DNAH14: variants seen among roughly 807,000 people sequenced by gnomAD.
The protein encoded by DNAH14 is dynein axonemal heavy chain 14, also known as axonemal beta dynein heavy chain 14.
A neutral mutation model predicts 520.9 loss-of-function variants in DNAH14; 478 were observed. The ratio of observed to expected loss-of-function variants is 0.92; its 90% CI spans 0.85 to 0.99. The LOEUF (loss-of-function observed/expected upper bound fraction) is 0.99. Among genes scored for constraint, DNAH14 ranks in the 50% least tolerant of loss-of-function variants. The pLI is 0.00. For synonymous variants in DNAH14, 1,581 were observed against 1,757.2 expected (o/e 0.90, Z 2.51); for missense variants, 4,831 against 5,234.5 (o/e 0.92, Z 2.38).
intron 38 of DNAH14, among the ~76,000 whole-genome samples, chr1:225,201,810 T>C (rs575825773): frequency 6.6e-6 from 1 of 151,998 alleles, no homozygotes; most frequent in East Asian, 1.9e-4. Context: ...TTACCTTTCA[T>C]TGTTTAATGC....
At chr1:225,161,002 A>C (rs1262972358) in intron 35 of DNAH14, among the ~76,000 whole-genome samples, 3 of 152,100 alleles carry the variant, frequency 2.0e-5, no homozygotes, top group Admixed American at 6.5e-5. Context: ...AAGATTTTCA[A>C]ATTCCCTCTA....
At chr1:225,057,657 C>G (rs914733110) in intron 17 of DNAH14, among the ~76,000 whole-genome samples, 2 of 152,154 alleles carry the variant, frequency 1.3e-5, no homozygotes, top group African/African-American at 4.8e-5. Flanking sequence ...ATGATATTGG[C>G]TGTGGGTTTG....
At chr1:225,112,273 A>T (rs2076544758) in intron 23 of DNAH14, among the ~76,000 whole-genome samples, 1 of 152,280 alleles carries the variant, frequency 6.6e-6, no homozygotes, top group African/African-American at 2.4e-5. Flanking sequence ...TTCCTTCTGC[A>T]CTTCAAGTAA....
intron 23 of DNAH14, among the ~76,000 whole-genome samples, chr1:225,109,232 T>C (rs1388830038): frequency 6.6e-6 from 1 of 152,046 alleles, no homozygotes. Flanking sequence ...TTTAGGATAG[T>C]TTTTCTATTT....
chr1:225,335,159 A>ATGTGTGCG (rs2094905882), intron 66 of DNAH14, among the ~76,000 whole-genome samples: 1 of 148,194 alleles, frequency 6.7e-6, no homozygotes, highest in Non-Finnish European at 1.5e-5. Context: ...ACATGTGTGC[A>ATGTGTGCG]TGTGTGCATG....
Position 225,266,663 on chromosome 1 carries a change from T to C in DNAH14, c.7433T>C (p.Met2478Thr). Residue 2478 changes from methionine to threonine, a missense_variant, in exon 49 of 86, where the codon ATG (methionine) becomes ACG (threonine). Transcript: ENST00000682510. ...NNRILIFIDD[M>T]NMPVSDMYGA... Reference sequence around the variant, plus strand: ...AAGATTCTAATATTTATTGATGATATGAATATGCCAGTATCAGATATGTAT... The same window carrying C: ...AAGATTCTAATATTTATTGATGATACGAATATGCCAGTATCAGATATGTAT... 6.7e-7 allele frequency: 1 copy of C among 1,499,618 alleles called. No individual in the cohort carries two copies. The highest frequency in any genetic ancestry group is 8.8e-7 in the Non-Finnish European group (1 of 1,130,236). The allele number at this position is 1,499,618 out of a possible 1,614,324, so 92.9% of individuals were successfully genotyped here.
At chr1:225,077,497 ATTT>A (rs34234394) in intron 17 of DNAH14, among the ~76,000 whole-genome samples, 2 of 151,524 alleles carry the variant, frequency 1.3e-5, no homozygotes, top group African/African-American at 2.4e-5. Flanking sequence ...GTATTTCAAA[ATTT>A]TTTGGGCATT....
chr1:225,312,371 A>T (rs531087476), intron 60 of DNAH14, among the ~76,000 whole-genome samples: 3 of 152,198 alleles, frequency 2.0e-5, no homozygotes, highest in African/African-American at 7.2e-5. Context: ...TTCTAAATAT[A>T]CAATCATGTC....
intron 1 of DNAH14, among the ~76,000 whole-genome samples, chr1:224,936,102 CATG>C (rs2059015185): frequency 6.6e-6 from 1 of 151,508 alleles, no homozygotes; most frequent in Middle Eastern, 3.2e-3. Context: ...TGAATACCTA[CATG>C]AAAAAAAGTA....
At chr1:225,078,819 TCTCTCC>T in intron 17 of DNAH14, among the ~76,000 whole-genome samples, 5 of 54,002 alleles carry the variant, frequency 9.3e-5, no homozygotes, top group African/African-American at 2.2e-4. Context: ...TCTCTCTCTC[TCTCTCC>T]CTCTCTCTCT....
At chr1:224,943,685 G>T (rs2059588201) in intron 1 of DNAH14, among the ~76,000 whole-genome samples, 1 of 152,058 alleles carries the variant, frequency 6.6e-6, no homozygotes. Flanking sequence ...AGAGATTCTG[G>T]TATGTTATGT....
intron 55 of DNAH14, among the ~76,000 whole-genome samples, chr1:225,294,619 A>G (rs2093965254): frequency 6.6e-6 from 1 of 152,108 alleles, no homozygotes. Context: ...TCAAAAGTTC[A>G]AGACCAGCCT....
intron 44 of DNAH14, among the ~76,000 whole-genome samples, chr1:225,255,325 T>G (rs2092696727): frequency 1.3e-5 from 2 of 152,238 alleles, no homozygotes; most frequent in African/African-American, 4.8e-5. Context: ...TACATGTGAT[T>G]TTGATTGAAT....
At chr1:224,979,300 G>A (rs2062090475) in intron 8 of DNAH14, among the ~76,000 whole-genome samples, 1 of 152,160 alleles carries the variant, frequency 6.6e-6, no homozygotes, top group African/African-American at 2.4e-5. Flanking sequence ...TGTGTGGTGT[G>A]GAGAGATAAT....
At chr1:225,094,322 C>T (rs956735251) in intron 21 of DNAH14, among the ~76,000 whole-genome samples, 22 of 152,022 alleles carry the variant, frequency 1.4e-4, no homozygotes, top group East Asian at 3.9e-4. Context: ...GAAATAAAGC[C>T]GCATACCTAC....
At chr1:225,132,925 G>A (rs186261303) in intron 27 of DNAH14, among the ~76,000 whole-genome samples, 48 of 152,186 alleles carry the variant, frequency 3.2e-4, no homozygotes, top group African/African-American at 9.1e-4. Context: ...TCTGATTAGC[G>A]TGAGATGGTA....
intron 12 of DNAH14, among the ~76,000 whole-genome samples, chr1:225,040,441 G>T (rs564489759): frequency 2.6e-5 from 4 of 152,156 alleles, no homozygotes; most frequent in Non-Finnish European, 5.9e-5. Flanking sequence ...TTTCTAGATA[G>T]TCTAAATTTT....
At chr1:224,962,650 G>A (rs2060915857) in intron 4 of DNAH14, among the ~76,000 whole-genome samples, 1 of 152,142 alleles carries the variant, frequency 6.6e-6, no homozygotes, top group South Asian at 2.1e-4. Context: ...GAGAACCTGA[G>A]CAGAGGACCC....
intron 37 of DNAH14, among the ~76,000 whole-genome samples, chr1:225,187,286 C>A (rs547113405): frequency 2.0e-4 from 31 of 151,808 alleles, no homozygotes; most frequent in Non-Finnish European, 3.5e-4. Flanking sequence ...CAGGAGAACA[C>A]CCCTTTCTCA....
Sources: gnomAD v4.1 joint callset for allele counts (sites outside exome capture counted in the v4.1 genomes callset) on GRCh38, gnomAD v4.1.1 for gene constraint, MANE v1.5 for transcripts, NCBI Gene and HGNC (gene_info 2026-07-23, HGNC 2026-07-21) for gene names.